Variants in IL1RAPL1 observed in about 807,000 individuals in gnomAD.
IL1RAPL1 encodes interleukin-1 receptor accessory protein-like 1.
Under a neutral mutation model 48.4 loss-of-function variants are expected in IL1RAPL1, and 3 were observed. The ratio of observed to expected loss-of-function variants is 0.06; its 90% CI spans 0.03 to 0.16. The LOEUF (loss-of-function observed/expected upper bound fraction) is 0.16. Among genes scored for constraint, IL1RAPL1 ranks in the 10% least tolerant of loss-of-function variants. IL1RAPL1 has a pLI of 1.00. For synonymous variants in IL1RAPL1, 185 were observed against 187.7 expected, an observed-to-expected ratio of 0.99 and a Z score of 0.12; for missense variants, 349 against 530.6, an observed-to-expected ratio of 0.66 and a Z score of 3.36.
intron 1 of IL1RAPL1, among the ~76,000 whole-genome samples, chrX:28,692,419 G>T (rs1317267823): frequency 9.0e-6 from 1 of 111,668 alleles, no homozygotes; most frequent in East Asian, 2.8e-4. Context: ...TTTGCCACTT[G>T]CTTGTTTTGC....
At chrX:28,903,560 TAAA>T (rs1221564718) in intron 2 of IL1RAPL1, among the ~76,000 whole-genome samples, 1 of 110,688 alleles carries the variant, frequency 9.0e-6, no homozygotes, top group Non-Finnish European at 1.9e-5. Flanking sequence ...CATGTAGTGT[TAAA>T]GAAGGTGTAG....
At position 28,662,076 on chromosome X, in the gene IL1RAPL1, CT is replaced by C. The variant is rs1173370414; in HGVS notation, c.-25+74039del. Among the ~76,000 whole-genome samples, 400 of 106,388 alleles carry C rather than the reference CT, an allele frequency of 3.8e-3. 1 individual carries two copies. The highest frequency in any genetic ancestry group is 0.012 in the African/African-American group (347 of 29,344). The allele number at this position is 106,388 out of a possible 115,157, so 92.4% of individuals were successfully genotyped here. ...CTTCTTTGCTCCTTCAGGTGTTAAC[CT>C]TTTTTTTTTAGATGGTGGTTGATTG... On this transcript the variant is annotated intron_variant, in intron 1 of 10. Transcript: ENST00000378993.
chrX:29,194,792 T>C (rs1274323272), intron 2 of IL1RAPL1, among the ~76,000 whole-genome samples: 3 of 111,590 alleles, frequency 2.7e-5, no homozygotes, highest in Non-Finnish European at 5.6e-5. Context: ...TCGATGCATA[T>C]CTTTTTTCTC....
chrX:28,865,294 C>T (rs891151739), intron 2 of IL1RAPL1, among the ~76,000 whole-genome samples: 6 of 110,452 alleles, frequency 5.4e-5, no homozygotes, highest in African/African-American at 2.0e-4. Flanking sequence ...AAAAATTAGC[C>T]GGGCTGTGGT....
intron 2 of IL1RAPL1, among the ~76,000 whole-genome samples, chrX:29,259,617 G>A (rs184166457): frequency 9.1e-5 from 10 of 110,360 alleles, no homozygotes; most frequent in African/African-American, 3.0e-4. Context: ...AATTGATGCT[G>A]GATAAATGTA....
In IL1RAPL1 at chrX:29,122,219, C is replaced by A. The variant is rs73210070; in HGVS notation, c.83-160719C>A. The stretch of plus-strand genomic sequence containing the variant: ...CACCCTCATATGGGTCTTTGATTAT[C>A]GCTATAATAAAATCTCCATTTATAG... On this transcript the variant is annotated intron_variant, in intron 2 of 10. Transcript: ENST00000378993. 2.7e-5 allele frequency among the ~76,000 whole-genome samples: 3 copies of A among 110,740 alleles called. No homozygotes were observed. In the East Asian group the frequency reaches 8.5e-4, roughly 31 times the overall value.
chrX:29,122,448 C>T (rs1928812286), intron 2 of IL1RAPL1, among the ~76,000 whole-genome samples: 1 of 93,243 alleles, frequency 1.1e-5, no homozygotes, highest in Non-Finnish European at 2.1e-5. Flanking sequence ...CACACACACA[C>T]TCGCCCCCCC....
intron 5 of IL1RAPL1, among the ~76,000 whole-genome samples, chrX:29,474,104 G>C (rs1475383730): frequency 8.9e-6 from 1 of 111,854 alleles, no homozygotes; most frequent in African/African-American, 3.3e-5. Flanking sequence ...TCCCAACACA[G>C]AAAAGTTGAC....
intron 2 of IL1RAPL1, among the ~76,000 whole-genome samples, chrX:28,791,079 A>G (rs1231297149): frequency 9.0e-6 from 1 of 111,684 alleles, no homozygotes; most frequent in African/African-American, 3.3e-5. Context: ...TCTGGTTATT[A>G]CCACTAATTA....
At chrX:29,501,866 A>T (rs1337350791) in intron 5 of IL1RAPL1, among the ~76,000 whole-genome samples, 3 of 102,094 alleles carry the variant, frequency 2.9e-5, no homozygotes, top group Non-Finnish European at 5.9e-5. Context: ...AATGTGATTG[A>T]TATTTTGATA....
At chrX:29,757,323 T>C (rs1388657022) in intron 6 of IL1RAPL1, among the ~76,000 whole-genome samples, 10 of 112,392 alleles carry the variant, frequency 8.9e-5, no homozygotes, top group Non-Finnish European at 1.7e-4. Context: ...GCCAATAGAA[T>C]TATTAGTTTT....
intron 9 of IL1RAPL1, 72 bp from the exon 10 acceptor site, chrX:29,954,450 T>C (rs1314139065): frequency 4.6e-6 from 4 of 872,910 alleles, no homozygotes; most frequent in African/African-American, 4.0e-5. Context: ...TGAAAAAAAG[T>C]GCATGTTTTC....
At chrX:29,013,827 T>C (rs766166765) in intron 2 of IL1RAPL1, among the ~76,000 whole-genome samples, 2 of 110,466 alleles carry the variant, frequency 1.8e-5, no homozygotes, top group African/African-American at 6.6e-5. Flanking sequence ...AGTTTACCTA[T>C]GTAACAAACC....
intron 2 of IL1RAPL1, among the ~76,000 whole-genome samples, chrX:28,938,195 A>G (rs1397019919): frequency 2.7e-5 from 3 of 111,817 alleles, no homozygotes; most frequent in African/African-American, 9.7e-5. Context: ...ACCAAAAAAG[A>G]GTCCAAATAG....
intron 6 of IL1RAPL1, among the ~76,000 whole-genome samples, chrX:29,701,345 C>T (rs921155125): frequency 8.9e-6 from 1 of 111,793 alleles, no homozygotes; most frequent in Admixed American, 9.4e-5. Flanking sequence ...ATAAAATAGG[C>T]GAATATGAAT....
chrX:29,369,545 T>C (rs776734201), intron 3 of IL1RAPL1: 1 of 111,545 alleles, frequency 9.0e-6, no homozygotes, highest in East Asian at 2.8e-4. Flanking sequence ...ACAGTTGAGT[T>C]TGCCATTACC....
intron 5 of IL1RAPL1, among the ~76,000 whole-genome samples, chrX:29,527,112 T>C (rs1436615905): frequency 9.1e-6 from 1 of 110,484 alleles, no homozygotes; most frequent in African/African-American, 3.3e-5. Context: ...AGAATTGTAA[T>C]ATATAATAGA....
At chrX:28,995,145 T>C (rs1403256312) in intron 2 of IL1RAPL1, among the ~76,000 whole-genome samples, 1 of 111,453 alleles carries the variant, frequency 9.0e-6, no homozygotes, top group East Asian at 2.8e-4. Flanking sequence ...CTATCAAATG[T>C]AGGGGGCAAT....
rs148154256 is a variant in IL1RAPL1, at chrX:28,902,240, C to T, written c.82+112815C>T. Among the ~76,000 whole-genome samples, 820 of 109,480 alleles carry T rather than the reference C, an allele frequency of 7.5e-3. 3 individuals carry two copies. The highest frequency in any genetic ancestry group is 0.012 in the Non-Finnish European group (633 of 52,592). On this transcript the variant is annotated intron_variant, in intron 2 of 10. Transcript: ENST00000378993. ...AGGCTGGAGTACAGTGGCATGACCT[C>T]AGCTCACTGCAACCTCCACCTCCCT...
Sources: allele counts gnomAD v4.1 joint callset (sites outside exome capture counted in the v4.1 genomes callset), GRCh38; gene constraint gnomAD v4.1.1; transcripts MANE v1.5; gene names NCBI Gene and HGNC (gene_info 2026-07-23, HGNC 2026-07-21).